TOR2A: variants seen among roughly 807,000 people sequenced by gnomAD.
TOR2A encodes torsin family 2 member A.
Under a neutral mutation model 28.6 loss-of-function variants are expected in TOR2A, and 24 were observed. The ratio of observed to expected loss-of-function variants is 0.84; its 90% CI spans 0.61 to 1.18. TOR2A has a LOEUF of 1.18. Ranked by LOEUF, TOR2A falls within the 50% of genes most tolerant of loss-of-function variation. TOR2A has a pLI of 0.00. For synonymous variants in TOR2A, 203 were observed against 203.1 expected, an observed-to-expected ratio of 1.00 and a Z score of 0.00; for missense variants, 426 against 448.1, an observed-to-expected ratio of 0.95 and a Z score of 0.45.
chr9:127,732,348 AG>A (rs1844474402), intron 4 of TOR2A, 70 bp from the exon 5 acceptor site: 2 of 1,506,986 alleles, frequency 1.3e-6, no homozygotes, highest in East Asian at 4.6e-5. Context: ...CCAAACCCCC[AG>A]GGGCAGGAGG....
At chr9:127,733,739 A>G in intron 2 of TOR2A, 179 bp from the exon 3 acceptor site, 1 of 635,376 alleles carries the variant, frequency 1.6e-6, no homozygotes, top group East Asian at 2.8e-5. Flanking sequence ...ACTTGCCCAA[A>G]GTCACACAGC....
chr9:127,734,402 A>G lies in TOR2A; in HGVS notation c.314T>C (p.Leu105Pro). 6.2e-7 allele frequency: 1 copy of G among 1,612,700 alleles called. No individual in the cohort carries two copies. The highest frequency in any genetic ancestry group is 8.5e-7 in the Non-Finnish European group (1 of 1,179,802). Residue 105 changes from leucine (L) to proline (P), a missense_variant, in exon 2 of 5, where the codon CTG (leucine) becomes CCG (proline). By Grantham distance (98) the Leu-to-Pro change is moderately conservative (BLOSUM62 -3). Transcript: ENST00000373284. ...GCCCTGGAAGAGGTAGTGCGCCAGCAGGGAGCTGACATAGGATTTGCCGGT... is the reference window on the plus strand; with the variant it reads ...GCCCTGGAAGAGGTAGTGCGCCAGCGGGGAGCTGACATAGGATTTGCCGGT... ...TGTGKSYVSSLLAHYLFQGGL... is the reference protein window; with the variant it reads ...TGTGKSYVSSPLAHYLFQGGL...
chr9:127,732,456 C>T, intron 4 of TOR2A, 108 bp downstream of exon 4: 1 of 1,451,292 alleles, frequency 6.9e-7, no homozygotes, highest in Non-Finnish European at 9.1e-7. Context: ...GTGCCAAAGC[C>T]AGGCTCAGAA....
Position 127,734,649 on chromosome 9 carries a change from C to T in TOR2A, c.152-85G>A, listed in dbSNP as rs990631692. On this transcript the variant is annotated intron_variant, in intron 1 of 4. Transcript: ENST00000373284. ...ATCATGTCTGGAACCTGGTCTGGGA[C>T]TCCTGTGTCCTTACGTTTGTCCAAG... 5.1e-6 allele frequency: 7 copies of T among 1,367,816 alleles called. No homozygotes were observed. In the Admixed American group the frequency reaches 2.0e-4, roughly 40 times the overall value. The allele number at this position is 1,367,816 out of a possible 1,614,324, so 84.7% of individuals were successfully genotyped here.
rs1436320765 is a variant in TOR2A at position 127,732,088 on chromosome 9, G to A, written c.912C>T (p.Leu304=). ...CGGTCTTGCAGCCGTTGGAGGAGAA[G>A]AGCTGCTCGTCTTCAGGGAAGAAGG... ...STTFFPEDEQ[L]FSSNGCKTVA... The change falls in exon 5 of 5, where the codon CTC becomes CTT. Residue 304 remains leucine (L), a synonymous_variant. Transcript: ENST00000373284. The A allele has an allele frequency of 1.2e-6, 2 of 1,613,928 alleles. No individual in the cohort carries two copies. The highest frequency in any genetic ancestry group is 1.7e-6 in the Non-Finnish European group (2 of 1,180,020).
intron 2 of TOR2A, chr9:127,734,043 A>G (rs1441410218): frequency 6.5e-6 from 3 of 458,102 alleles, no homozygotes; most frequent in Non-Finnish European, 1.1e-5. Flanking sequence ...GATATCTGCA[A>G]TGGTATAATC....
At position 127,733,447 on chromosome 9, in the gene TOR2A, G is replaced by A; in HGVS notation, c.531C>T (p.Phe177=). The stretch of plus-strand genomic sequence containing the variant: ...CGTATACCACCCAGGAGGAGCCCAG[G>A]AAAGGCCGCAGGACTTCCATCAGGC... ...PPGLMEVLRP[F]LGSSWVVYGT... is the part of the protein sequence containing the mutation. Residue 177 remains phenylalanine (F), a synonymous_variant, in exon 3 of 5, where the codon TTC becomes TTT. Transcript: ENST00000373284. 2 of 1,613,870 alleles carry A rather than the reference G, an allele frequency of 1.2e-6. No individual in the cohort carries two copies. The highest frequency in any genetic ancestry group is 1.7e-6 in the Non-Finnish European group (2 of 1,179,976).
intron 2 of TOR2A, 192 bp downstream of exon 2, chr9:127,734,107 C>A: frequency 4.6e-6 from 3 of 651,122 alleles, no homozygotes; most frequent in Non-Finnish European, 4.8e-6. Context: ...TTCCTTACTG[C>A]CCCAAGGAAT....
chr9:127,732,911 T>C, intron 3 of TOR2A: 1 of 1,416,130 alleles, frequency 7.1e-7, no homozygotes, highest in East Asian at 2.6e-5. Context: ...TACAAAACAC[T>C]TTTGTGTCCC....
chr9:127,734,737 TG>T, intron 1 of TOR2A, 173 bp from the exon 2 acceptor site: 1 of 777,802 alleles, frequency 1.3e-6, no homozygotes, highest in South Asian at 3.2e-5. Context: ...CCTTCGGGCC[TG>T]ATTCAGCTCG....
Position 127,735,102 on chromosome 9 carries a change from G to A in TOR2A, c.151+18C>T. 3 of 1,453,396 alleles carry A rather than the reference G, an allele frequency of 2.1e-6. No individual in the cohort carries two copies. Among genetic ancestry groups the A allele is most frequent in the Non-Finnish European group, 9.0e-7 (1 of 1,108,256 alleles). The allele number at this position is 1,453,396 out of a possible 1,614,324, so 90.0% of individuals were successfully genotyped here. On this transcript the variant is annotated intron_variant, in intron 1 of 4. Transcript: ENST00000373284. ...CCGCGTCCGCCCGCCCCTCGCTCCG[G>A]GCTCCCTGGCGCCTCACCCGGCAAG...
intron 3 of TOR2A, 137 bp downstream of exon 3, chr9:127,733,248 G>A: frequency 6.2e-7 from 1 of 1,611,924 alleles, no homozygotes; most frequent in Non-Finnish European, 8.5e-7. Context: ...TCATCTCTGA[G>A]AGTGGCGGAG....
At position 127,732,187 on chromosome 9, in the gene TOR2A, G is replaced by A. The variant is rs370306195; in HGVS notation, c.813C>T (p.Cys271=). Residue 271 remains cysteine, a synonymous_variant, in exon 5 of 5, where the codon TGC becomes TGT. Coordinates refer to ENST00000373284, the MANE Select transcript of TOR2A (RefSeq NM_001085347.3). ...CCAGCTGGGCCAGCTCGTTGAGCACGCAGTGCCGGACGTGGTGCCGCTGGA... is the reference window on the plus strand; with the variant it reads ...CCAGCTGGGCCAGCTCGTTGAGCACACAGTGCCGGACGTGGTGCCGCTGGA... ...LPLQRHHVRH[C]VLNELAQLGL... 18 of 1,613,260 alleles carry A rather than the reference G, an allele frequency of 1.1e-5. No individual in the cohort carries two copies. The highest frequency in any genetic ancestry group is 6.7e-5 in the Admixed American group (4 of 60,022).
Position 127,731,883 on chromosome 9 carries a change from TTA to T in TOR2A, c.*149_*150del. On this transcript the variant is annotated 3_prime_UTR_variant, in exon 5 of 5. Coordinates refer to ENST00000373284, the MANE Select transcript of TOR2A (RefSeq NM_001085347.3). Reference sequence around the variant, plus strand: ...GGGGCCAAGATGCTCTCGAGCCAGTTTAGAGGCCAGGGCCCTTCCTGGCCATC... The same window carrying T: ...GGGGCCAAGATGCTCTCGAGCCAGTTGAGGCCAGGGCCCTTCCTGGCCATC... The T allele has an allele frequency of 6.9e-7, 1 of 1,449,990 alleles. No individual in the cohort carries two copies. The highest frequency in any genetic ancestry group is 9.1e-7 in the Non-Finnish European group (1 of 1,095,088). 89.8% of individuals were successfully genotyped at this position (1,449,990 alleles called of 1,614,324 possible). A position where few individuals can be genotyped will look rare whatever the true frequency, so the allele number is the denominator to read the frequency against.
Position 127,731,917 on chromosome 9 carries a change from G to A in TOR2A, c.*117C>T, listed in dbSNP as rs114152363. ...AGGGCCCTTCCTGGCCATCTGTCCC[G>A]TGGCCTAGCCGACACTCCGTTCATC... On this transcript the variant is annotated 3_prime_UTR_variant, in exon 5 of 5. Coordinates refer to ENST00000373284, the MANE Select transcript of TOR2A (RefSeq NM_001085347.3). 2,887 of 1,506,102 alleles carry A rather than the reference G, an allele frequency of 1.9e-3. 57 individuals are homozygous for A. The African/African-American group carries it at 0.035, about 19-fold the overall frequency. The allele number at this position is 1,506,102 out of a possible 1,614,324, so 93.3% of individuals were successfully genotyped here.
intron 3 of TOR2A, chr9:127,733,043 CG>C (rs1468659259): frequency 7.8e-6 from 11 of 1,418,900 alleles, no homozygotes; most frequent in Admixed American, 2.9e-5. Context: ...GGAAACACAG[CG>C]AGGATTCTGA....
In TOR2A at chr9:127,732,139, A is replaced by C; in HGVS notation, c.861T>G (p.Val287=). ...AQLGLEPRDE[V]VQAVLDSTTF... ...TGGTGCTGTCCAGCACAGCCTGGAC[A>C]ACCTCATCCCTTGGCTCCAGGCCCA... is the stretch of plus-strand genomic sequence containing the variant. Residue 287 remains valine (V), a synonymous_variant, in exon 5 of 5, where the codon GTT becomes GTG. Transcript: ENST00000373284. 6.2e-7 allele frequency: 1 copy of C among 1,613,672 alleles called. No homozygotes were observed. The highest frequency in any genetic ancestry group is 8.5e-7 in the Non-Finnish European group (1 of 1,180,008).
In TOR2A at chr9:127,732,584, G is replaced by A. The variant is rs543471487; in HGVS notation, c.701C>T (p.Ala234Val). The part of the protein sequence containing the change: ...LQELEPVISR[A>V]VLDNPHHGFS... ...CTCACGGTGCGGGTTGTCCAGCACC[G>A]CGCGGGAGATGACCGGCTCCAGCTC... The change falls in exon 4 of 5, where the codon GCG (alanine) becomes GTG (valine). Residue 234 changes from alanine to valine, a missense_variant. Physicochemically the swap from Ala to Val is moderately conservative, Grantham distance 64 (BLOSUM62 0). Coordinates refer to ENST00000373284, the MANE Select transcript of TOR2A (RefSeq NM_001085347.3). 2.3e-5 allele frequency: 36 copies of A among 1,590,838 alleles called. No homozygotes were observed. Among genetic ancestry groups the A allele is most frequent in the Admixed American group, 5.2e-5 (3 of 57,152 alleles).
At chr9:127,734,787 G>A (rs1844617784) in intron 1 of TOR2A, 1 of 550,376 alleles carries the variant, frequency 1.8e-6, no homozygotes, top group Non-Finnish European at 2.9e-6. Context: ...ATTGCACTCA[G>A]CTCTAAATGC....
Sources: allele counts gnomAD v4.1 joint callset, GRCh38; gene constraint gnomAD v4.1.1; transcripts MANE v1.5; gene names NCBI Gene and HGNC (gene_info 2026-07-23, HGNC 2026-07-21).